The following ANO3 variants were observed in gnomAD, a reference collection of about 807,000 sequenced individuals.
ANO3 encodes anoctamin-3.
Under a neutral mutation model 144.8 loss-of-function variants are expected in ANO3, and 99 were observed. That is an observed-to-expected ratio of 0.68 (90% CI 0.58 to 0.81). ANO3 has a LOEUF of 0.81. Among genes scored for constraint, ANO3 ranks in the 30% least tolerant of loss-of-function variants. The pLI, the probability that ANO3 is intolerant of heterozygous loss-of-function variation, is 0.00. For missense variants in ANO3, 905 were observed against 1,202.2 expected, an observed-to-expected ratio of 0.75 and a Z score of 3.66; for synonymous variants, 414 against 392.6, an observed-to-expected ratio of 1.05 and a Z score of -0.64.
At position 26,332,133 on chromosome 11, in the gene ANO3, G is replaced by C; in HGVS notation, c.-143G>C. 2.0e-6 allele frequency: 3 copies of C among 1,517,540 alleles called. No homozygotes were observed. Among genetic ancestry groups the C allele is most frequent in the Non-Finnish European group, 2.6e-6 (3 of 1,134,422 alleles). 94.0% of individuals were successfully genotyped at this position (1,517,540 alleles called of 1,614,324 possible). On this transcript the variant is annotated 5_prime_UTR_variant, in exon 1 of 27. Coordinates refer to ENST00000256737, the MANE Select transcript of ANO3 (RefSeq NM_031418.4). The stretch of plus-strand genomic sequence containing the variant: ...GACACCGGCGGGCGCGTAGCCTGGA[G>C]AGCGAAGTGCCGGCTACAGCAGGTG...
At chr11:26,564,954 A>G (rs1383429436) in intron 14 of ANO3, among the ~76,000 whole-genome samples, 1 of 150,482 alleles carries the variant, frequency 6.6e-6, no homozygotes, top group African/African-American at 2.4e-5. Context: ...TTACACTCCC[A>G]AAGAGAAATG....
chr11:26,549,920 G>A (rs1018378980), intron 12 of ANO3, among the ~76,000 whole-genome samples: 1 of 151,894 alleles, frequency 6.6e-6, no homozygotes, highest in Admixed American at 6.6e-5. Context: ...TTTCTTAGAG[G>A]ATTTCCAAGC....
At chr11:26,288,352 G>A (rs1186148105) in intron 1 of ANO3, among the ~76,000 whole-genome samples, 1 of 152,212 alleles carries the variant, frequency 6.6e-6, no homozygotes, top group Non-Finnish European at 1.5e-5. Context: ...GAAAAACACA[G>A]ATAGAGTCCA....
intron 1 of ANO3, among the ~76,000 whole-genome samples, chr11:26,441,152 C>G (rs1205132295): frequency 8.8e-6 from 1 of 113,762 alleles, no homozygotes; most frequent in Non-Finnish European, 1.7e-5. Context: ...GAGTCTCGCT[C>G]TGTCGCCCAG....
intron 1 of ANO3, among the ~76,000 whole-genome samples, chr11:26,422,982 G>C: frequency 6.6e-6 from 1 of 151,774 alleles, no homozygotes; most frequent in East Asian, 1.9e-4. Flanking sequence ...AAAAAGCACC[G>C]CATTAAAGAT....
At chr11:26,609,897 C>T (rs981061559) in intron 17 of ANO3, among the ~76,000 whole-genome samples, 4 of 152,060 alleles carry the variant, frequency 2.6e-5, no homozygotes. Flanking sequence ...TCCTAGCCAA[C>T]GCTAGTTTAC....
At chr11:26,473,855 TAAAA>T in intron 4 of ANO3, 1 of 904,852 alleles carries the variant, frequency 1.1e-6, no homozygotes, top group Middle Eastern at 5.7e-4. Context: ...ATGAAATTAA[TAAAA>T]AATACAGATG....
chr11:26,606,011 T>A (rs1272291272), intron 17 of ANO3, among the ~76,000 whole-genome samples: 1 of 152,192 alleles, frequency 6.6e-6, no homozygotes, highest in Non-Finnish European at 1.5e-5. Context: ...CTTCTCTAGT[T>A]CTTTAAATTG....
At chr11:26,637,548 C>G (rs1310538868) in intron 20 of ANO3, among the ~76,000 whole-genome samples, 1 of 152,120 alleles carries the variant, frequency 6.6e-6, no homozygotes, top group Non-Finnish European at 1.5e-5. Flanking sequence ...GTGATTTGCC[C>G]CCGTAGCTTA....
At chr11:26,564,376 A>G (rs1247047463) in intron 14 of ANO3, among the ~76,000 whole-genome samples, 1 of 151,578 alleles carries the variant, frequency 6.6e-6, no homozygotes, top group African/African-American at 2.4e-5. Flanking sequence ...TACATTACTA[A>G]TATAATCCTT....
chr11:26,579,014 C>A (rs1397462342), intron 14 of ANO3, among the ~76,000 whole-genome samples: 2 of 152,180 alleles, frequency 1.3e-5, no homozygotes, highest in African/African-American at 4.8e-5. Context: ...TCTGTTTAAG[C>A]AACTCTTGCC....
chr11:26,410,813 G>A (rs2133985529), intron 1 of ANO3, among the ~76,000 whole-genome samples: 1 of 152,114 alleles, frequency 6.6e-6, no homozygotes, highest in East Asian at 1.9e-4. Context: ...CAATTTTGAA[G>A]CAGAGGAATG....
intron 14 of ANO3, chr11:26,561,297 T>C (rs779742173): frequency 1.6e-5 from 18 of 1,114,060 alleles, no homozygotes; most frequent in Non-Finnish European, 2.1e-5. Flanking sequence ...ATCCACCAAG[T>C]TATAGGAATT....
At chr11:26,364,345 C>T (rs1856005612) in intron 1 of ANO3, among the ~76,000 whole-genome samples, 1 of 152,172 alleles carries the variant, frequency 6.6e-6, no homozygotes, top group Non-Finnish European at 1.5e-5. Flanking sequence ...CCAGGATTTT[C>T]AAAAATTTTG....
chr11:26,467,371 T>C (rs1859636027), intron 4 of ANO3, among the ~76,000 whole-genome samples: 1 of 149,948 alleles, frequency 6.7e-6, no homozygotes, highest in Admixed American at 6.8e-5. Context: ...TATCAGATAA[T>C]AGATCTTATT....
intron 26 of ANO3, among the ~76,000 whole-genome samples, chr11:26,659,109 T>TATAC (rs1853795684): frequency 7.1e-6 from 1 of 139,982 alleles, no homozygotes. Context: ...CATATATATA[T>TATAC]ACACACATAC....
chr11:26,574,605 C>T (rs1247124101), intron 14 of ANO3, among the ~76,000 whole-genome samples: 1 of 152,000 alleles, frequency 6.6e-6, no homozygotes, highest in Non-Finnish European at 1.5e-5. Flanking sequence ...TAATGATATT[C>T]TTTATAAATA....
chr11:26,526,268 G>T (rs1022228974), intron 7 of ANO3, among the ~76,000 whole-genome samples: 1 of 152,090 alleles, frequency 6.6e-6, no homozygotes, highest in Non-Finnish European at 1.5e-5. Context: ...CTATGGAAAA[G>T]GAGTCAATCA....
chr11:26,385,893 G>GTGTATATATATATATATATATA (rs1183332896), intron 1 of ANO3, among the ~76,000 whole-genome samples: 15 of 143,694 alleles, frequency 1.0e-4, no homozygotes, highest in African/African-American at 4.1e-4. Flanking sequence ...CTTTGTGTGT[G>GTGTATATATATATATATATATA]TATATATATT....
Sources: gnomAD v4.1 joint callset for allele counts (sites outside exome capture counted in the v4.1 genomes callset) on GRCh38, gnomAD v4.1.1 for gene constraint, MANE v1.5 for transcripts, NCBI Gene and HGNC (gene_info 2026-07-23, HGNC 2026-07-21) for gene names.